Variants in ARSI observed in about 807,000 individuals in gnomAD.
The protein encoded by ARSI is arylsulfatase I.
ARSI carries 37 observed loss-of-function variants against 42.1 expected under a neutral mutation model. The observed-to-expected ratio is 0.88, with a 90% CI of 0.68 to 1.16. The LOEUF (loss-of-function observed/expected upper bound fraction) is 1.16. ARSI is among the 50% of genes most tolerant of loss of function. The pLI is 0.00. For synonymous variants in ARSI, 305 were observed against 320.3 expected, an observed-to-expected ratio of 0.95 and a Z score of 0.51; for missense variants, 725 against 790.1, an observed-to-expected ratio of 0.92 and a Z score of 0.99.
chr5:150,302,409 T>C lies in ARSI; in HGVS notation c.-36A>G, dbSNP rs1252980394. The C allele has an allele frequency of 7.2e-7, 1 of 1,393,754 alleles. No homozygotes were observed. Among genetic ancestry groups the C allele is most frequent in the East Asian group, 2.9e-5 (1 of 34,892 alleles). The allele number at this position is 1,393,754 out of a possible 1,614,324, so 86.3% of individuals were successfully genotyped here. ...GCCCGCGCGTCCCGGCGCGCCGGGCTCCTGGGGCCTCACCACCTCGCGCGC... is the reference window on the plus strand; with the variant it reads ...GCCCGCGCGTCCCGGCGCGCCGGGCCCCTGGGGCCTCACCACCTCGCGCGC... On this transcript the variant is annotated 5_prime_UTR_variant, in exon 1 of 2. Coordinates refer to ENST00000328668, the MANE Select transcript of ARSI (RefSeq NM_001012301.4). This position sits in a 1 kb window ranked among gnomAD's most constrained non-coding sequence, Gnocchi z 6.1.
At chr5:150,300,847 C>T (rs918120799) in intron 1 of ARSI, among the ~76,000 whole-genome samples, 8 of 152,186 alleles carry the variant, frequency 5.3e-5, no homozygotes, top group Non-Finnish European at 1.0e-4. Flanking sequence ...AATGCAGACT[C>T]CTCCACCCTC....
At chr5:150,299,204 A>G (rs1348455917) in intron 1 of ARSI, among the ~76,000 whole-genome samples, 5 of 152,212 alleles carry the variant, frequency 3.3e-5, no homozygotes, top group Non-Finnish European at 5.9e-5. Flanking sequence ...ACTGGGGCCT[A>G]GAGCAAGCCC....
rs1757937167 is a variant in ARSI, at chr5:150,302,375, GC to G, written c.-3del. ...GGAGAAGCCAGTGAGGGTGTGCATC[GC>G]CAAGCCGGCCCGCGCGTCCCGGCGC... On this transcript the variant is annotated 5_prime_UTR_variant, in exon 1 of 2. Transcript: ENST00000328668. The surrounding 1 kb of genome is among the most constrained non-coding windows in gnomAD (Gnocchi z 6.1). 3 of 1,434,564 alleles carry G rather than the reference GC, an allele frequency of 2.1e-6. No individual in the cohort carries two copies. The South Asian group carries it at 4.6e-5, about 22-fold the overall frequency. The allele number at this position is 1,434,564 out of a possible 1,614,324, so 88.9% of individuals were successfully genotyped here. A position where few individuals can be genotyped will look rare whatever the true frequency, so the allele number is the denominator to read the frequency against.
At chr5:150,301,917 G>T in intron 1 of ARSI, 146 bp downstream of exon 1, 1 of 831,164 alleles carries the variant, frequency 1.2e-6, no homozygotes, top group Non-Finnish European at 1.8e-6. Context: ...TTGAGGCCTA[G>T]AGAGGGCGAG....
rs1243235683 is a variant in ARSI, at chr5:150,297,013, A to G, written c.*201T>C. ...GAGGTCACAGAGCAAGTCCGTGAGG[A>G]GGCAGGACTGAGACACAGGCATCCC... is the stretch of plus-strand genomic sequence containing the variant. On this transcript the variant is annotated 3_prime_UTR_variant, in exon 2 of 2. Transcript: ENST00000328668. The surrounding 1 kb of genome is among the most constrained non-coding windows in gnomAD (Gnocchi z 7.0). 5.8e-6 allele frequency: 3 copies of G among 517,688 alleles called. No individual in the cohort carries two copies. Among genetic ancestry groups the G allele is most frequent in the Non-Finnish European group, 9.9e-6 (3 of 302,284 alleles). The allele number at this position is 517,688 out of a possible 1,614,324, so 32.1% of individuals were successfully genotyped here.
Position 150,302,337 on chromosome 5 carries a change from G to A in ARSI, c.37C>T (p.Leu13Phe). The change falls in exon 1 of 2, where the codon CTC becomes TTC. Residue 13 changes from leucine (L) to phenylalanine (F), a missense_variant. Leu to Phe is a conservative substitution (Grantham distance 22). Transcript: ENST00000328668. The surrounding 1 kb of genome is among the most constrained non-coding windows in gnomAD (Gnocchi z 6.1). ...TLTGFSLVSL[L>F]SFGYLSWDWA... ...TCCCAGGACAGGTAGCCGAAGCTGA[G>A]CAGGCTGACCAGGGAGAAGCCAGTG... The A allele has an allele frequency of 6.4e-7, 1 of 1,566,306 alleles. No individual in the cohort carries two copies. The highest frequency in any genetic ancestry group is 8.6e-7 in the Non-Finnish European group (1 of 1,158,142).
chr5:150,302,051 A>G lies in ARSI; in HGVS notation c.311+12T>C. The G allele has an allele frequency of 6.4e-7, 1 of 1,561,880 alleles. No individual in the cohort carries two copies. The highest frequency in any genetic ancestry group is 8.7e-7 in the Non-Finnish European group (1 of 1,152,324). On this transcript the variant is annotated intron_variant, in intron 1 of 1. Transcript: ENST00000328668. This position sits in a 1 kb window ranked among gnomAD's most constrained non-coding sequence, Gnocchi z 6.1. ...TTAGATGCCCAGCCCCGGGGCCTTGAGCCACGCCTACCTGCCAGTGAGGAG... is the reference window on the plus strand; with the variant it reads ...TTAGATGCCCAGCCCCGGGGCCTTGGGCCACGCCTACCTGCCAGTGAGGAG...
In ARSI at chr5:150,300,979, G is replaced by T. The variant is rs149705623; in HGVS notation, c.311+1084C>A. The stretch of plus-strand genomic sequence containing the variant: ...CTCCTTCTGATTCCTGGATCTAAAC[G>T]CTGGGTGCCAGATCGAAGGAACAAA... On this transcript the variant is annotated intron_variant, in intron 1 of 1. Coordinates refer to ENST00000328668, the MANE Select transcript of ARSI (RefSeq NM_001012301.4). Among the ~76,000 whole-genome samples, 922 of 152,046 alleles carry T rather than the reference G, an allele frequency of 6.1e-3. 15 individuals carry two copies. Among genetic ancestry groups the T allele is most frequent in the African/African-American group, 0.021 (871 of 41,440 alleles).
chr5:150,302,031 T>A lies in ARSI; in HGVS notation c.311+32A>T. On this transcript the variant is annotated intron_variant, in intron 1 of 1. Coordinates refer to ENST00000328668, the MANE Select transcript of ARSI (RefSeq NM_001012301.4). The surrounding 1 kb of genome is among the most constrained non-coding windows in gnomAD (Gnocchi z 6.1). Reference sequence around the variant, plus strand: ...CAACTGGGTTGATTTGGGGTTTAGATGCCCAGCCCCGGGGCCTTGAGCCAC... The same window carrying A: ...CAACTGGGTTGATTTGGGGTTTAGAAGCCCAGCCCCGGGGCCTTGAGCCAC... 2 of 1,531,770 alleles carry A rather than the reference T, an allele frequency of 1.3e-6. No homozygotes were observed. The highest frequency in any genetic ancestry group is 1.8e-6 in the Non-Finnish European group (2 of 1,136,632). The allele number at this position is 1,531,770 out of a possible 1,614,324, so 94.9% of individuals were successfully genotyped here.
In ARSI at chr5:150,296,977, G is replaced by A. The variant is rs1465426176; in HGVS notation, c.*237C>T. On this transcript the variant is annotated 3_prime_UTR_variant, in exon 2 of 2. Coordinates refer to ENST00000328668, the MANE Select transcript of ARSI (RefSeq NM_001012301.4). ...GAGGAAACTGAGGCTAAAAGCTCAT[G>A]TGGGTCACCTGAGGTCACAGAGCAA... The A allele has an allele frequency of 2.3e-6, 1 of 433,886 alleles. No individual in the cohort carries two copies. Among genetic ancestry groups the A allele is most frequent in the Non-Finnish European group, 4.0e-6 (1 of 248,426 alleles). 26.9% of individuals were successfully genotyped at this position (433,886 alleles called of 1,614,324 possible).
In ARSI at chr5:150,298,618, G is replaced by T. The variant is rs1757866756; in HGVS notation, c.312-6C>A. On this transcript the variant is annotated splice_region_variant and splice_polypyrimidine_tract_variant and intron_variant, in intron 1 of 1. Coordinates refer to ENST00000328668, the MANE Select transcript of ARSI (RefSeq NM_001012301.4). The stretch of plus-strand genomic sequence containing the variant: ...GTCCTGTGTGGATCTGGTACCTGGT[G>T]GGGAGGAGGGGAAGGCACAGAAGGC... 6.3e-7 allele frequency: 1 copy of T among 1,594,204 alleles called. No individual in the cohort carries two copies. The highest frequency in any genetic ancestry group is 1.1e-5 in the South Asian group (1 of 87,892).
intron 1 of ARSI, among the ~76,000 whole-genome samples, chr5:150,300,421 C>G (rs1757899536): frequency 6.6e-6 from 1 of 152,168 alleles, no homozygotes; most frequent in African/African-American, 2.4e-5. Flanking sequence ...CCTCTCCAGG[C>G]CTCAATCAAG....
Position 150,302,156 on chromosome 5 carries a change from G to A in ARSI, c.218C>T (p.Thr73Met). The change falls in exon 1 of 2, where the codon ACG (threonine) becomes ATG (methionine). Residue 73 changes from threonine to methionine, a missense_variant. Thr to Met is a moderately conservative substitution (Grantham distance 81). Coordinates refer to ENST00000328668, the MANE Select transcript of ARSI (RefSeq NM_001012301.4). The surrounding 1 kb of genome is among the most constrained non-coding windows in gnomAD (Gnocchi z 6.1). ...CCCCTTGGCCGCCAGCCTGTCCAGC[G>A]TAGGGGTCTCGATATCTGAACCATG... is the stretch of plus-strand genomic sequence containing the variant. ...GYHGSDIETP[T>M]LDRLAAKGVK... The A allele has an allele frequency of 6.2e-7, 1 of 1,613,932 alleles. No homozygotes were observed. Among genetic ancestry groups the A allele is most frequent in the Non-Finnish European group, 8.5e-7 (1 of 1,179,988 alleles).
At chr5:150,301,926 A>C (rs376988515) in intron 1 of ARSI, 137 bp downstream of exon 1, 4 of 903,368 alleles carry the variant, frequency 4.4e-6, no homozygotes, top group South Asian at 3.6e-5. Context: ...AGAGAGGGCG[A>C]GGGACTTACT....
chr5:150,301,968 G>C, intron 1 of ARSI, 95 bp downstream of exon 1: 1 of 1,329,208 alleles, frequency 7.5e-7, no homozygotes, highest in Non-Finnish European at 1.0e-6. Flanking sequence ...AGATTTCCCA[G>C]ATCCCAGCAT....
In ARSI at chr5:150,297,410, G is replaced by A. The variant is rs755371507; in HGVS notation, c.1514C>T (p.Pro505Leu). 1.9e-6 allele frequency: 3 copies of A among 1,608,830 alleles called. No individual in the cohort carries two copies. The South Asian group carries it at 3.3e-5, about 18-fold the overall frequency. ...YNRTAIPVRY[P>L]AENPRAHPDF... ...AGGATGAGCCCGGGGGTTCTCAGCT[G>A]GGTAGCGTACCGGGATGGCTGTGCG... is the stretch of plus-strand genomic sequence containing the variant. The change falls in exon 2 of 2, where the codon CCA becomes CTA. Residue 505 changes from proline (P) to leucine (L), a missense_variant. Coordinates refer to ENST00000328668, the MANE Select transcript of ARSI (RefSeq NM_001012301.4). This position sits in a 1 kb window ranked among gnomAD's most constrained non-coding sequence, Gnocchi z 7.0.
chr5:150,297,172 T>C lies in ARSI; in HGVS notation c.*42A>G, dbSNP rs776716483. 1.3e-6 allele frequency: 2 copies of C among 1,521,772 alleles called. No individual in the cohort carries two copies. Among genetic ancestry groups the C allele is most frequent in the Admixed American group, 4.4e-5 (2 of 45,840 alleles). 94.3% of individuals were successfully genotyped at this position (1,521,772 alleles called of 1,614,324 possible). On this transcript the variant is annotated 3_prime_UTR_variant, in exon 2 of 2. Coordinates refer to ENST00000328668, the MANE Select transcript of ARSI (RefSeq NM_001012301.4). This position sits in a 1 kb window ranked among gnomAD's most constrained non-coding sequence, Gnocchi z 7.0. The stretch of plus-strand genomic sequence containing the variant: ...GAGAAACAGCAGGGCCAAGCCGGAG[T>C]GGGGAAGATCCTCTAAAGGACAGTT...
chr5:150,298,062 T>C lies in ARSI; in HGVS notation c.862A>G (p.Asn288Asp), dbSNP rs375582010. Residue 288 changes from asparagine (N) to aspartate (D), a missense_variant, in exon 2 of 2, where the codon AAC becomes GAC. Transcript: ENST00000328668. ...CTGGAGAAGATGATGACACTGTTGT[T>C]GTAGAAACCGTAGCGCTTGAGGGCC... ...TWALKRYGFY[N>D]NSVIIFSSDN... 7 of 1,612,462 alleles carry C rather than the reference T, an allele frequency of 4.3e-6. No individual in the cohort carries two copies. In the African/African-American group the frequency reaches 5.4e-5, roughly 12 times the overall value.
At position 150,298,389 on chromosome 5, in the gene ARSI, T is replaced by A. The variant is rs1200879607; in HGVS notation, c.535A>T (p.Thr179Ser). 6.2e-7 allele frequency: 1 copy of A among 1,614,004 alleles called. No individual in the cohort carries two copies. Among genetic ancestry groups the A allele is most frequent in the Admixed American group, 1.7e-5 (1 of 60,016 alleles). ...GSLTGNVDYY[T>S]YDNCDGPGVC... ...CCTGGGCCATCACAGTTGTCATAGG[T>A]GTAATAGTCCACATTGCCCGTGAGC... Residue 179 changes from threonine to serine, a missense_variant, in exon 2 of 2, where the codon ACC becomes TCC. Physicochemically the swap from Thr to Ser is moderately conservative, Grantham distance 58 (BLOSUM62 1). Coordinates refer to ENST00000328668, the MANE Select transcript of ARSI (RefSeq NM_001012301.4).
Sources: allele counts gnomAD v4.1 joint callset (sites outside exome capture counted in the v4.1 genomes callset), GRCh38; gene constraint gnomAD v4.1.1; non-coding constraint Gnocchi (gnomAD v3.1); transcripts MANE v1.5; gene names NCBI Gene and HGNC (gene_info 2026-07-23, HGNC 2026-07-21).